The following MEMO1 variants were observed in gnomAD, a reference collection of about 807,000 sequenced individuals.
MEMO1 encodes mediator of cell motility 1.
In MEMO1, 6 loss-of-function variants were observed where a neutral mutation model predicts 45.2. That is an observed-to-expected ratio of 0.13 (90% confidence interval 0.07 to 0.26). MEMO1 has a LOEUF of 0.26. MEMO1 is among the 10% of genes least tolerant of loss of function. The pLI, the probability that MEMO1 is intolerant of heterozygous loss-of-function variation, is 1.00. For synonymous variants in MEMO1, 78 were observed against 124.3 expected (o/e 0.63, Z 2.48); for missense variants, 184 against 370.5 (o/e 0.50, Z 4.13).
intron 2 of MEMO1, among the ~76,000 whole-genome samples, chr2:32,002,265 A>C (rs759221224): frequency 6.8e-6 from 1 of 147,618 alleles, no homozygotes; most frequent in African/African-American, 2.5e-5. Flanking sequence ...GTATATATAC[A>C]TACACATATA....
intron 7 of MEMO1, among the ~76,000 whole-genome samples, chr2:31,888,631 C>T (rs975484783): frequency 1.3e-5 from 2 of 152,082 alleles, no homozygotes; most frequent in Admixed American, 1.3e-4. Flanking sequence ...AGCACACAGA[C>T]TAGTGGCAAA....
intron 2 of MEMO1, among the ~76,000 whole-genome samples, chr2:31,993,695 G>A (rs1672211771): frequency 6.6e-6 from 1 of 152,152 alleles, no homozygotes; most frequent in Admixed American, 6.5e-5. Context: ...TCTGGGGAAA[G>A]AACAATTTCT....
chr2:31,945,936 T>C (rs2148333737), intron 2 of MEMO1, among the ~76,000 whole-genome samples: 1 of 152,346 alleles, frequency 6.6e-6, no homozygotes, highest in South Asian at 2.1e-4. Flanking sequence ...AGAACATGTA[T>C]GTAATGGGTT....
chr2:31,900,370 G>A (rs1276606754), intron 6 of MEMO1, among the ~76,000 whole-genome samples: 4 of 152,180 alleles, frequency 2.6e-5, no homozygotes, highest in Admixed American at 2.6e-4. Context: ...ATTAGTTCAT[G>A]TCCTTTGCAG....
At chr2:31,875,402 T>C (rs1638331589) in intron 8 of MEMO1, among the ~76,000 whole-genome samples, 1 of 152,176 alleles carries the variant, frequency 6.6e-6, no homozygotes, top group African/African-American at 2.4e-5. Context: ...AAGTGAGTTC[T>C]GTTGTAATGA....
chr2:31,883,913 A>C (rs1260838377), intron 7 of MEMO1, among the ~76,000 whole-genome samples: 3 of 151,960 alleles, frequency 2.0e-5, no homozygotes, highest in Non-Finnish European at 4.4e-5. Context: ...GAAAAAAAAA[A>C]AAACCATGAG....
chr2:31,883,566 C>T, intron 7 of MEMO1, 104 bp from the exon 8 acceptor site: 1 of 750,582 alleles, frequency 1.3e-6, no homozygotes, highest in East Asian at 2.8e-5. Context: ...AGGCAAAGCA[C>T]AGCTTAAGCC....
intron 2 of MEMO1, among the ~76,000 whole-genome samples, chr2:31,990,041 CAGG>C (rs1396639012): frequency 1.3e-5 from 2 of 152,088 alleles, no homozygotes; most frequent in Admixed American, 6.6e-5. Flanking sequence ...CGCTTGAGCC[CAGG>C]AGGTCAAGGT....
At chr2:32,002,266 T>C (rs910841641) in intron 2 of MEMO1, among the ~76,000 whole-genome samples, 3 of 144,864 alleles carry the variant, frequency 2.1e-5, no homozygotes, top group Admixed American at 7.0e-5. Flanking sequence ...TATATATACA[T>C]ACACATATAT....
At chr2:31,889,148 A>C (rs980753926) in intron 7 of MEMO1, among the ~76,000 whole-genome samples, 1 of 152,118 alleles carries the variant, frequency 6.6e-6, no homozygotes, top group African/African-American at 2.4e-5. Context: ...ATATAGAGAG[A>C]ACCAATGACT....
intron 3 of MEMO1, among the ~76,000 whole-genome samples, chr2:31,933,179 G>A (rs1020999071): frequency 8.6e-5 from 13 of 150,588 alleles, no homozygotes; most frequent in African/African-American, 3.2e-4. Context: ...AAATAGCGAG[G>A]CATGGTGGCA....
chr2:31,928,420 G>A (rs1359451927), intron 4 of MEMO1, among the ~76,000 whole-genome samples: 1 of 151,938 alleles, frequency 6.6e-6, no homozygotes, highest in African/African-American at 2.4e-5. Flanking sequence ...GGTGGCATAC[G>A]CTTGTAATCC....
At chr2:31,998,018 C>CT (rs1457432899) in intron 2 of MEMO1, among the ~76,000 whole-genome samples, 4 of 151,796 alleles carry the variant, frequency 2.6e-5, no homozygotes, top group Non-Finnish European at 5.9e-5. Flanking sequence ...CAACTTAAAG[C>CT]TTTTTTTTGA....
intron 2 of MEMO1, among the ~76,000 whole-genome samples, chr2:31,979,520 G>T (rs1480033647): frequency 1.3e-5 from 2 of 151,862 alleles, no homozygotes; most frequent in Non-Finnish European, 2.9e-5. Context: ...CTGTTTTTCA[G>T]AAAATCATCA....
intron 8 of MEMO1, among the ~76,000 whole-genome samples, chr2:31,871,725 T>G (rs1175110576): frequency 1.3e-5 from 2 of 151,902 alleles, no homozygotes; most frequent in Non-Finnish European, 2.9e-5. Flanking sequence ...AAGTTAAACC[T>G]AAGATGGGCC....
intron 2 of MEMO1, among the ~76,000 whole-genome samples, chr2:31,992,560 G>A (rs577611138): frequency 5.3e-5 from 8 of 152,212 alleles, no homozygotes; most frequent in Admixed American, 4.6e-4. Context: ...GAGGTGGGTG[G>A]ATCACCTGAG....
chr2:31,966,687 C>T (rs962981737), intron 2 of MEMO1, among the ~76,000 whole-genome samples: 1 of 136,646 alleles, frequency 7.3e-6, no homozygotes, highest in Non-Finnish European at 1.5e-5. Flanking sequence ...GAGCCCAGAT[C>T]GCACCACTGC....
chr2:31,933,351 T>TTATATATATATATATATATATATA (rs370773425), intron 3 of MEMO1, among the ~76,000 whole-genome samples: 6 of 45,084 alleles, frequency 1.3e-4, no homozygotes, highest in South Asian at 1.1e-3. Context: ...AAAAAAAAAT[T>TTATATATATATATATATATATATA]TATATATATA....
At chr2:31,990,514 T>C (rs1028557593) in intron 2 of MEMO1, among the ~76,000 whole-genome samples, 16 of 151,892 alleles carry the variant, frequency 1.1e-4, no homozygotes, top group Admixed American at 1.1e-3. Context: ...TGCAGTGGCA[T>C]GATCTCAGCT....
Sources: gnomAD v4.1 joint callset for allele counts (sites outside exome capture counted in the v4.1 genomes callset) on GRCh38, gnomAD v4.1.1 for gene constraint, MANE v1.5 for transcripts, NCBI Gene and HGNC (gene_info 2026-07-23, HGNC 2026-07-21) for gene names.